Variants in SPAG16 observed in about 807,000 individuals in gnomAD.
SPAG16 encodes sperm-associated antigen 16 protein.
SPAG16 carries 86 observed loss-of-function variants against 80.4 expected under a neutral mutation model. That is an observed-to-expected ratio of 1.07 (90% CI 0.90 to 1.28). The LOEUF (loss-of-function observed/expected upper bound fraction) is 1.28, where lower values mean the gene tolerates loss of function less well. Ranked by LOEUF, SPAG16 falls within the 50% of genes most tolerant of loss-of-function variation. The pLI, the probability that SPAG16 is intolerant of heterozygous loss-of-function variation, is 0.00. For synonymous variants in SPAG16, 294 were observed against 265.9 expected, an observed-to-expected ratio of 1.11 and a Z score of -1.03; for missense variants, 870 against 765.3, an observed-to-expected ratio of 1.14 and a Z score of -1.61.
intron 10 of SPAG16, among the ~76,000 whole-genome samples, chr2:213,796,776 A>G (rs1177434150): frequency 2.6e-5 from 4 of 152,186 alleles, no homozygotes; most frequent in African/African-American, 9.7e-5. Context: ...ACTGGTTTAT[A>G]TATTTACTGT....
At chr2:214,178,360 A>G (rs769042557) in intron 15 of SPAG16, among the ~76,000 whole-genome samples, 6 of 151,146 alleles carry the variant, frequency 4.0e-5, no homozygotes, top group South Asian at 4.1e-4. Context: ...AGGGTAATCA[A>G]TGTGAAAAAC....
intron 15 of SPAG16, among the ~76,000 whole-genome samples, chr2:214,377,167 T>C (rs1367573727): frequency 6.6e-6 from 1 of 152,174 alleles, no homozygotes; most frequent in Non-Finnish European, 1.5e-5. Context: ...CATCTCCCCG[T>C]GAGCAGTTCA....
At chr2:214,159,359 C>T (rs1038145241) in intron 15 of SPAG16, among the ~76,000 whole-genome samples, 3 of 151,972 alleles carry the variant, frequency 2.0e-5, no homozygotes, top group Non-Finnish European at 2.9e-5. Flanking sequence ...GCAGTGCACA[C>T]ATACTGCATG....
intron 15 of SPAG16, among the ~76,000 whole-genome samples, chr2:214,326,721 G>A (rs947784924): frequency 3.3e-5 from 5 of 151,976 alleles, no homozygotes; most frequent in African/African-American, 7.2e-5. Context: ...CGAGGCAGGC[G>A]GATCACGAGA....
chr2:213,405,013 T>C (rs568717598), intron 9 of SPAG16, among the ~76,000 whole-genome samples: 7 of 152,326 alleles, frequency 4.6e-5, no homozygotes, highest in South Asian at 4.1e-4. Flanking sequence ...ACAGTAAGCA[T>C]GTGCTTATGG....
At chr2:214,036,832 A>G (rs1277610519) in intron 13 of SPAG16, among the ~76,000 whole-genome samples, 1 of 152,168 alleles carries the variant, frequency 6.6e-6, no homozygotes, top group Non-Finnish European at 1.5e-5. Flanking sequence ...CTATGGTTAG[A>G]TCTTCTCCCA....
chr2:213,831,779 A>C (rs2073674661), intron 10 of SPAG16, among the ~76,000 whole-genome samples: 1 of 152,108 alleles, frequency 6.6e-6, no homozygotes, highest in Non-Finnish European at 1.5e-5. Context: ...TAGCATTTTA[A>C]AACTTTACAA....
chr2:213,803,765 T>C (rs1265173673), intron 10 of SPAG16, among the ~76,000 whole-genome samples: 1 of 152,180 alleles, frequency 6.6e-6, no homozygotes, highest in Non-Finnish European at 1.5e-5. Flanking sequence ...AGAGGAAGGA[T>C]CTCGCTCTGT....
chr2:213,612,715 T>G (rs2125023222), intron 10 of SPAG16, among the ~76,000 whole-genome samples: 1 of 152,278 alleles, frequency 6.6e-6, no homozygotes, highest in African/African-American at 2.4e-5. Context: ...GTTTCGCTCT[T>G]GTTGCCCAGG....
intron 12 of SPAG16, among the ~76,000 whole-genome samples, chr2:213,942,955 T>A (rs900409757): frequency 1.3e-5 from 2 of 152,166 alleles, no homozygotes; most frequent in Non-Finnish European, 2.9e-5. Flanking sequence ...ATGAGATTAG[T>A]GCCCTTATAT....
chr2:213,364,095 C>A lies in SPAG16; in HGVS notation c.782C>A (p.Thr261Lys). ...TTTTAGATTTCTGGACTTCAAGAAA[C>A]ATTGAAGAAACTGCAAAGAGGACAT... ...VVGQISGLQE[T>K]LKKLQRGHSY... The change falls in exon 8 of 16, where the codon ACA (threonine) becomes AAA (lysine). Residue 261 changes from threonine to lysine, a missense_variant. By Grantham distance (78) the Thr-to-Lys change is moderately conservative. Coordinates refer to ENST00000331683, the MANE Select transcript of SPAG16 (RefSeq NM_024532.5). The A allele has an allele frequency of 6.6e-7, 1 of 1,518,830 alleles. No individual in the cohort carries two copies. The highest frequency in any genetic ancestry group is 1.3e-5 in the South Asian group (1 of 74,172). 94.1% of individuals were successfully genotyped at this position (1,518,830 alleles called of 1,614,324 possible).
At chr2:214,363,758 C>A (rs1699317920) in intron 15 of SPAG16, among the ~76,000 whole-genome samples, 1 of 151,950 alleles carries the variant, frequency 6.6e-6, no homozygotes, top group African/African-American at 2.4e-5. Context: ...GTTACAAAGA[C>A]CGAAGGTAAT....
At chr2:213,827,826 T>C (rs2073394197) in intron 10 of SPAG16, among the ~76,000 whole-genome samples, 2 of 152,106 alleles carry the variant, frequency 1.3e-5, no homozygotes, top group African/African-American at 4.8e-5. Flanking sequence ...ACTTTAAATA[T>C]GTCATGCCAT....
In SPAG16 at chr2:213,721,321, A is replaced by G. The variant is rs577653478; in HGVS notation, c.1071-141164A>G. ...ACCATGTTGGCGAGGCTCGTCTCGA[A>G]CTCCTGACCTCAAGTGATCTGCACA... On this transcript the variant is annotated intron_variant, in intron 10 of 15. Coordinates refer to ENST00000331683, the MANE Select transcript of SPAG16 (RefSeq NM_024532.5). Among the ~76,000 whole-genome samples, 51 of 145,492 alleles carry G rather than the reference A, an allele frequency of 3.5e-4. No homozygotes were observed. In the Middle Eastern group the frequency reaches 0.017, roughly 49 times the overall value.
chr2:214,194,150 G>C (rs1369422761), intron 15 of SPAG16, among the ~76,000 whole-genome samples: 1 of 152,080 alleles, frequency 6.6e-6, no homozygotes, highest in Non-Finnish European at 1.5e-5. Flanking sequence ...GGCTCAAATA[G>C]TTGGCGAGTT....
intron 10 of SPAG16, among the ~76,000 whole-genome samples, chr2:213,646,126 A>T (rs967166706): frequency 1.3e-5 from 2 of 152,116 alleles, no homozygotes; most frequent in African/African-American, 2.4e-5. Context: ...GCCCCAGGTC[A>T]GGGAGGGGTG....
At chr2:213,734,385 A>G (rs1314693398) in intron 10 of SPAG16, among the ~76,000 whole-genome samples, 1 of 152,224 alleles carries the variant, frequency 6.6e-6, no homozygotes, top group Non-Finnish European at 1.5e-5. Context: ...AAAAGCATTG[A>G]GACATTTCTT....
Position 213,976,133 on chromosome 2 carries a change from T to TACACAC in SPAG16, c.1401-37817_1401-37816insCACACA, listed in dbSNP as rs748686035. Among the ~76,000 whole-genome samples, 546 of 120,682 alleles carry TACACAC rather than the reference T, an allele frequency of 4.5e-3. 2 individuals are homozygous for TACACAC. Among genetic ancestry groups the TACACAC allele is most frequent in the African/African-American group, 0.019 (522 of 28,124 alleles). The allele number at this position is 120,682 out of a possible 152,430, so 79.2% of individuals were successfully genotyped here. ...AGATATATATATATATATATATATATATACACACACACACACACACACGTA... is the reference window on the plus strand; with the variant it reads ...AGATATATATATATATATATATATATACACACATACACACACACACACACACACGTA... On this transcript the variant is annotated intron_variant, in intron 12 of 15. Transcript: ENST00000331683.
At chr2:213,997,691 A>G (rs2046592945) in intron 12 of SPAG16, among the ~76,000 whole-genome samples, 1 of 152,218 alleles carries the variant, frequency 6.6e-6, no homozygotes, top group Non-Finnish European at 1.5e-5. Flanking sequence ...TTGAAAGAAG[A>G]AGAATTGTCT....
Sources: allele counts gnomAD v4.1 joint callset (sites outside exome capture counted in the v4.1 genomes callset), GRCh38; gene constraint gnomAD v4.1.1; transcripts MANE v1.5; gene names NCBI Gene and HGNC (gene_info 2026-07-23, HGNC 2026-07-21).